The following ADNP variants were observed in gnomAD, a reference collection of about 807,000 sequenced individuals.
ADNP encodes activity-dependent neuroprotector homeobox protein.
Under a neutral mutation model 84.9 loss-of-function variants are expected in ADNP, and 4 were observed. The ratio of observed to expected loss-of-function variants is 0.05; its 90% confidence interval spans 0.02 to 0.11. ADNP has a LOEUF of 0.11. Among genes scored for constraint, ADNP ranks in the 10% least tolerant of loss-of-function variants. The probability of loss-of-function intolerance (pLI) is 1.00; values close to 1 mark genes in which losing one functional copy is unlikely to be tolerated. For synonymous variants in ADNP, 554 were observed against 468.1 expected (o/e 1.18, Z -2.37); for missense variants, 1,132 against 1,326.0 (o/e 0.85, Z 2.27).
chr20:50,919,364 G>A (rs952176726), intron 2 of ADNP, among the ~76,000 whole-genome samples: 2 of 150,320 alleles, frequency 1.3e-5, no homozygotes, highest in African/African-American at 4.9e-5. Context: ...CAGCTACTTG[G>A]GAGGCTGAGG....
rs950302385 is a variant in ADNP at position 50,894,393 on chromosome 20, A to G, written c.321T>C (p.Leu107=). Reference sequence around the variant, plus strand: ...CATTGAAGGTACAGTAGGGGCAATTAAGGAGAATCCTATTTTCAAAGTCTT... The same window carrying G: ...CATTGAAGGTACAGTAGGGGCAATTGAGGAGAATCCTATTTTCAAAGTCTT... ...HSEDFENRIL[L]NCPYCTFNAD... is the part of the protein sequence containing the mutation. The change falls in exon 6 of 6, where the codon CTT becomes CTC. Residue 107 remains leucine (L), a synonymous_variant. Transcript: ENST00000621696. 4 of 1,614,158 alleles carry G rather than the reference A, an allele frequency of 2.5e-6. No homozygotes were observed. The Admixed American group carries it at 5.0e-5, about 20-fold the overall frequency.
chr20:50,905,863 C>T (rs188660721), intron 2 of ADNP, among the ~76,000 whole-genome samples: 134 of 152,280 alleles, frequency 8.8e-4, no homozygotes, highest in African/African-American at 3.2e-3. Context: ...TTGTTTTAAA[C>T]CATCTTTTGT....
At chr20:50,927,239 T>G (rs990200114) in intron 2 of ADNP, among the ~76,000 whole-genome samples, 1 of 152,112 alleles carries the variant, frequency 6.6e-6, no homozygotes, top group Non-Finnish European at 1.5e-5. Flanking sequence ...AAATTCACAG[T>G]GGGCATGTAT....
chr20:50,928,279 T>C (rs1479703880), intron 2 of ADNP, among the ~76,000 whole-genome samples: 1 of 152,204 alleles, frequency 6.6e-6, no homozygotes, highest in Non-Finnish European at 1.5e-5. Flanking sequence ...CTGTCAATCT[T>C]TGGTAGCAAG....
intron 2 of ADNP, among the ~76,000 whole-genome samples, chr20:50,927,959 A>T (rs1453747684): frequency 1.3e-5 from 2 of 152,258 alleles, no homozygotes; most frequent in Non-Finnish European, 2.9e-5. Context: ...AAATAAAGAT[A>T]AAAACTATAC....
At chr20:50,918,370 G>A (rs192745131) in intron 2 of ADNP, among the ~76,000 whole-genome samples, 44 of 152,262 alleles carry the variant, frequency 2.9e-4, no homozygotes, top group East Asian at 9.6e-4. Flanking sequence ...AGAACAAACC[G>A]TGGATGTAAC....
Position 50,890,633 on chromosome 20 carries a change from C to T in ADNP, c.*772G>A, listed in dbSNP as rs1980592604. Reference sequence around the variant, plus strand: ...TTTTAGCTTAAAAGATTTCAGAAAACAGATCTGAAATACCAGTTTTTGTTT... The same window carrying T: ...TTTTAGCTTAAAAGATTTCAGAAAATAGATCTGAAATACCAGTTTTTGTTT... On this transcript the variant is annotated 3_prime_UTR_variant, in exon 6 of 6. Coordinates refer to ENST00000621696, the MANE Select transcript of ADNP (RefSeq NM_001282531.3). The T allele has an allele frequency of 6.5e-6, 1 of 152,698 alleles. No homozygotes were observed. The allele number at this position is 152,698 out of a possible 1,614,324, so 9.5% of individuals were successfully genotyped here.
chr20:50,894,529 A>C lies in ADNP; in HGVS notation c.202-17T>G, dbSNP rs897941731. On this transcript the variant is annotated splice_polypyrimidine_tract_variant and intron_variant, in intron 5 of 5. Coordinates refer to ENST00000621696, the MANE Select transcript of ADNP (RefSeq NM_001282531.3). The stretch of plus-strand genomic sequence containing the variant: ...CCGATAGTCCTAAAGTAAACACAAA[A>C]ACTAGAATTAGAATGCCACTTCAGA... 6.4e-7 allele frequency: 1 copy of C among 1,555,746 alleles called. No homozygotes were observed. The highest frequency in any genetic ancestry group is 1.2e-5 in the South Asian group (1 of 80,032).
intron 2 of ADNP, among the ~76,000 whole-genome samples, chr20:50,919,287 A>ACATATATTTACATAT (rs776823194): frequency 2.3e-5 from 3 of 128,064 alleles, no homozygotes; most frequent in African/African-American, 1.1e-4. Context: ...ACATATATTT[A>ACATATATTTACATAT]AGTGTATATA....
chr20:50,917,888 G>T (rs944249010), intron 2 of ADNP, among the ~76,000 whole-genome samples: 5 of 152,126 alleles, frequency 3.3e-5, no homozygotes, highest in Non-Finnish European at 7.4e-5. Flanking sequence ...AAAGAATAAA[G>T]TACCGACACA....
At chr20:50,925,964 T>G (rs537564086) in intron 2 of ADNP, among the ~76,000 whole-genome samples, 64 of 152,254 alleles carry the variant, frequency 4.2e-4, no homozygotes, top group Middle Eastern at 3.4e-3. Context: ...AACCAAGCGT[T>G]GTGGCAGGCA....
Position 50,890,987 on chromosome 20 carries a change from A to G in ADNP, c.*418T>C. The G allele has an allele frequency of 1.0e-6, 1 of 995,938 alleles. No homozygotes were observed. Among genetic ancestry groups the G allele is most frequent in the African/African-American group, 1.7e-5 (1 of 57,692 alleles). 61.7% of individuals were successfully genotyped at this position (995,938 alleles called of 1,614,324 possible). On this transcript the variant is annotated 3_prime_UTR_variant, in exon 6 of 6. Transcript: ENST00000621696. ...TATTCAGAATGAATACATGAAAAAA[A>G]ATCGCTTTTCCCAAAGTCTACTATA...
At chr20:50,929,319 CT>C (rs995789640) in intron 1 of ADNP, among the ~76,000 whole-genome samples, 12 of 152,310 alleles carry the variant, frequency 7.9e-5, no homozygotes, top group African/African-American at 2.9e-4. Flanking sequence ...CAAATATGGA[CT>C]GGGGGCCAAC....
intron 2 of ADNP, among the ~76,000 whole-genome samples, chr20:50,912,485 T>C (rs1240478400): frequency 6.6e-6 from 1 of 152,112 alleles, no homozygotes; most frequent in Non-Finnish European, 1.5e-5. Context: ...GTGAAACCCG[T>C]TTCCAAAGGA....
chr20:50,903,773 A>T, intron 4 of ADNP, 116 bp downstream of exon 4: 1 of 740,330 alleles, frequency 1.4e-6, no homozygotes, highest in Non-Finnish European at 2.2e-6. Context: ...TCGTGAAGCT[A>T]CTGCTGTGGC....
chr20:50,897,697 A>G (rs1483711858), intron 5 of ADNP, among the ~76,000 whole-genome samples: 1 of 152,208 alleles, frequency 6.6e-6, no homozygotes, highest in African/African-American at 2.4e-5. Context: ...CTCAGATAGT[A>G]CGCCTTAAAA....
chr20:50,892,356 A>G lies in ADNP; in HGVS notation c.2358T>C (p.Ile786=). ...NKQPYPTRRE[I]EKLAASLWLW... ...ACCATAAACTGGCTGCTAGCTTCTC[A>G]ATTTCTCTCCTGGTGGGATAGGGCT... The change falls in exon 6 of 6, where the codon ATT becomes ATC. Residue 786 remains isoleucine, a synonymous_variant. Transcript: ENST00000621696. The G allele has an allele frequency of 6.2e-7, 1 of 1,614,084 alleles. No individual in the cohort carries two copies. Among genetic ancestry groups the G allele is most frequent in the Non-Finnish European group, 8.5e-7 (1 of 1,180,012 alleles).
intron 2 of ADNP, among the ~76,000 whole-genome samples, chr20:50,917,587 T>G (rs1268014999): frequency 1.3e-5 from 2 of 152,226 alleles, no homozygotes; most frequent in Admixed American, 6.5e-5. Context: ...CATGTTCTTC[T>G]GAAAGTCCCT....
At chr20:50,914,569 G>C (rs1001050329) in intron 2 of ADNP, among the ~76,000 whole-genome samples, 1 of 152,204 alleles carries the variant, frequency 6.6e-6, no homozygotes, top group African/African-American at 2.4e-5. Flanking sequence ...CTTACGGCTT[G>C]CTTTCTGGGC....
Sources: gnomAD v4.1 joint callset for allele counts (sites outside exome capture counted in the v4.1 genomes callset) on GRCh38, gnomAD v4.1.1 for gene constraint, MANE v1.5 for transcripts, NCBI Gene and HGNC (gene_info 2026-07-23, HGNC 2026-07-21) for gene names.